Variants in EHBP1 observed in about 807,000 individuals in gnomAD.
The protein encoded by EHBP1 is EH domain-binding protein 1.
A neutral mutation model predicts 144.0 loss-of-function variants in EHBP1; 55 were observed. The ratio of observed to expected loss-of-function variants is 0.38; its 90% confidence interval spans 0.31 to 0.48. EHBP1 has a LOEUF of 0.48. EHBP1 is among the 20% of genes least tolerant of loss of function. The probability of loss-of-function intolerance (pLI) is 0.98; values close to 1 mark genes in which losing one functional copy is unlikely to be tolerated. For missense variants in EHBP1, 1,200 were observed against 1,364.2 expected, an observed-to-expected ratio of 0.88 and a Z score of 1.90; for synonymous variants, 469 against 472.7, an observed-to-expected ratio of 0.99 and a Z score of 0.10.
At chr2:63,028,990 T>C (rs1006041564) in intron 19 of EHBP1, among the ~76,000 whole-genome samples, 2 of 152,218 alleles carry the variant, frequency 1.3e-5, no homozygotes, top group African/African-American at 4.8e-5. Flanking sequence ...TAATTCTCAT[T>C]TTTTAAACTT....
At chr2:62,979,799 A>G (rs569500520) in intron 15 of EHBP1, among the ~76,000 whole-genome samples, 132 of 152,272 alleles carry the variant, frequency 8.7e-4, no homozygotes, top group African/African-American at 3.1e-3. Context: ...GTCCCATCTC[A>G]GTTTCTTCTT....
At chr2:63,030,684 G>A (rs918427595) in intron 19 of EHBP1, among the ~76,000 whole-genome samples, 2 of 151,264 alleles carry the variant, frequency 1.3e-5, no homozygotes, top group African/African-American at 4.9e-5. Flanking sequence ...GTAGAGACGG[G>A]GTTTCACTGT....
chr2:62,751,945 C>A (rs1461614991), intron 3 of EHBP1, among the ~76,000 whole-genome samples: 1 of 151,930 alleles, frequency 6.6e-6, no homozygotes, highest in Admixed American at 6.6e-5. Flanking sequence ...CTCCTGGATT[C>A]ATTTTTTTTT....
At chr2:62,787,401 C>A (rs1004774914) in intron 5 of EHBP1, among the ~76,000 whole-genome samples, 3 of 116,618 alleles carry the variant, frequency 2.6e-5, no homozygotes, top group African/African-American at 3.1e-5. Context: ...GCTGCCCCCC[C>A]CCCCCACCCC....
intron 2 of EHBP1, among the ~76,000 whole-genome samples, chr2:62,722,566 C>A (rs977607179): frequency 1.3e-5 from 2 of 151,898 alleles, no homozygotes; most frequent in Non-Finnish European, 2.9e-5. Flanking sequence ...CCATTGATAC[C>A]AAAAGAAGAA....
rs147501533 is a variant in EHBP1, at chr2:62,758,344, G to T, written c.163-5922G>T. Among the ~76,000 whole-genome samples, 20 of 152,198 alleles carry T rather than the reference G, an allele frequency of 1.3e-4. No homozygotes were observed. The East Asian group carries it at 3.7e-3, about 28-fold the overall frequency. On this transcript the variant is annotated intron_variant, in intron 3 of 22. Transcript: ENST00000431489. ...GGCTGGTCTCAAACTCCTGACCTCA[G>T]ATGAGCCGCCCGCCTCAGCCTCCCA...
At chr2:62,957,641 C>CATTTTTT (rs2057768864) in intron 14 of EHBP1, among the ~76,000 whole-genome samples, 1 of 87,174 alleles carries the variant, frequency 1.1e-5, no homozygotes, top group African/African-American at 5.1e-5. Flanking sequence ...AAAATAAATG[C>CATTTTTT]TTTTTTTTTT....
At chr2:62,787,863 T>C (rs2042921273) in intron 5 of EHBP1, among the ~76,000 whole-genome samples, 1 of 152,220 alleles carries the variant, frequency 6.6e-6, no homozygotes, top group Non-Finnish European at 1.5e-5. Context: ...CAATACTTTT[T>C]ATATGTGTGG....
chr2:62,906,106 G>A (rs2053791742), intron 10 of EHBP1, among the ~76,000 whole-genome samples: 1 of 150,494 alleles, frequency 6.6e-6, no homozygotes, highest in Non-Finnish European at 1.5e-5. Flanking sequence ...TGACCCACTT[G>A]GAGTTAAATT....
At chr2:62,746,839 T>A (rs2039207896) in intron 2 of EHBP1, among the ~76,000 whole-genome samples, 1 of 152,082 alleles carries the variant, frequency 6.6e-6, no homozygotes, top group South Asian at 2.1e-4. Context: ...AACTTAATAG[T>A]CTTTTAAGCT....
intron 7 of EHBP1, among the ~76,000 whole-genome samples, chr2:62,847,607 G>A (rs1056946038): frequency 6.6e-6 from 1 of 152,180 alleles, no homozygotes; most frequent in East Asian, 1.9e-4. Flanking sequence ...GCTGAGGTGG[G>A]AAGATAGCTT....
intron 14 of EHBP1, chr2:62,965,148 G>A (rs2058188212): frequency 6.6e-6 from 1 of 152,418 alleles, no homozygotes; most frequent in Admixed American, 6.6e-5. Flanking sequence ...TTATACTTGA[G>A]TGTTTCTGAC....
At chr2:62,857,771 C>T (rs974680378) in intron 7 of EHBP1, among the ~76,000 whole-genome samples, 1 of 151,648 alleles carries the variant, frequency 6.6e-6, no homozygotes, top group Non-Finnish European at 1.5e-5. Flanking sequence ...AAATTTGTTT[C>T]TCTGTCCTTT....
At chr2:62,996,793 A>C (rs757222357) in intron 19 of EHBP1, 27 bp downstream of exon 19, 6 of 1,601,902 alleles carry the variant, frequency 3.7e-6, no homozygotes, top group Non-Finnish European at 5.1e-6. Flanking sequence ...CACTGTAAAC[A>C]GTTTTGGCAA....
At chr2:63,012,334 T>C (rs887252304) in intron 19 of EHBP1, among the ~76,000 whole-genome samples, 2 of 152,108 alleles carry the variant, frequency 1.3e-5, no homozygotes, top group Non-Finnish European at 2.9e-5. Context: ...ATTATTCATA[T>C]ACTATATCTC....
At chr2:62,696,508 C>CTTTTTTTTTTTTTTTTTTTTTTTT (rs869081763) in intron 1 of EHBP1, among the ~76,000 whole-genome samples, 3 of 76,752 alleles carry the variant, frequency 3.9e-5, no homozygotes, top group East Asian at 4.0e-4. Context: ...TTTTTTTCTT[C>CTTTTTTTTTTTTTTTTTTTTTTTT]TTTTTTTTTT....
chr2:62,864,779 A>G lies in EHBP1; in HGVS notation c.806A>G (p.Tyr269Cys), dbSNP rs201290184. Residue 269 changes from tyrosine (Y) to cysteine (C), a missense_variant, in exon 9 of 23, where the codon TAT (tyrosine) becomes TGT (cysteine). By Grantham distance (194) the Tyr-to-Cys change is radical. Around this residue, in one of 6 missense-constraint regions of EHBP1, gnomAD observed 266 missense variants for 262.4 expected, o/e 1.01. Transcript: ENST00000431489. ...CCTAGAAAAACAGAAGACTCTTTTT[A>G]TAATAACAGCTATAATCCCTTTAAA... ...ASPRKTEDSF[Y>C]NNSYNPFKEV... 19 of 1,613,556 alleles carry G rather than the reference A, an allele frequency of 1.2e-5. No individual in the cohort carries two copies. The Admixed American group carries it at 3.0e-4, about 25-fold the overall frequency.
chr2:62,696,164 C>G (rs182149484), intron 1 of EHBP1, among the ~76,000 whole-genome samples: 2 of 135,556 alleles, frequency 1.5e-5, no homozygotes, highest in Admixed American at 7.3e-5. Context: ...CTCTCTCTCT[C>G]TCTTTCTTTC....
chr2:62,938,235 A>G (rs1489782355), intron 10 of EHBP1, among the ~76,000 whole-genome samples: 1 of 152,256 alleles, frequency 6.6e-6, no homozygotes, highest in Non-Finnish European at 1.5e-5. Context: ...GGAAATGTCA[A>G]CTTGAGATAG....
Sources: allele counts gnomAD v4.1 joint callset (sites outside exome capture counted in the v4.1 genomes callset), GRCh38; gene constraint gnomAD v4.1.1; regional missense constraint gnomAD v4.1.1; transcripts MANE v1.5; gene names NCBI Gene and HGNC (gene_info 2026-07-23, HGNC 2026-07-21).